ZNF438: variants seen among roughly 807,000 people sequenced by gnomAD.
ZNF438 encodes the protein zinc finger protein 438.
Under a neutral mutation model 38.0 loss-of-function variants are expected in ZNF438, and 25 were observed. That is an observed-to-expected ratio of 0.66 (90% confidence interval 0.48 to 0.92). The LOEUF (loss-of-function observed/expected upper bound fraction) is 0.92. ZNF438 is among the 40% of genes least tolerant of loss of function. ZNF438 has a pLI of 0.00. For missense variants in ZNF438, 1,007 were observed against 999.6 expected (o/e 1.01, Z -0.10); for synonymous variants, 372 against 364.1 (o/e 1.02, Z -0.25).
At chr10:30,950,874 G>A (rs1048967342) in intron 1 of ZNF438, among the ~76,000 whole-genome samples, 4 of 122,686 alleles carry the variant, frequency 3.3e-5, no homozygotes, top group Non-Finnish European at 3.5e-5. Flanking sequence ...TAGAAAAAGA[G>A]GGAATCCTCC....
At chr10:30,901,446 T>A (rs1005593358) in intron 3 of ZNF438, among the ~76,000 whole-genome samples, 1 of 151,064 alleles carries the variant, frequency 6.6e-6, no homozygotes, top group Admixed American at 6.6e-5. Context: ...TTCCGCTGAG[T>A]CGGGGGTTGT....
chr10:31,022,260 C>CTT (rs57644959), intron 1 of ZNF438, among the ~76,000 whole-genome samples: 39 of 149,158 alleles, frequency 2.6e-4, no homozygotes, highest in East Asian at 2.0e-4. Flanking sequence ...AGCTTTCTTC[C>CTT]TTTTTTTTTT....
intron 2 of ZNF438, among the ~76,000 whole-genome samples, chr10:30,935,254 G>T (rs1289087512): frequency 6.6e-6 from 1 of 152,178 alleles, no homozygotes; most frequent in African/African-American, 2.4e-5. Flanking sequence ...ATTTAGTGTT[G>T]CTATAAATAT....
intron 1 of ZNF438, among the ~76,000 whole-genome samples, chr10:31,015,037 T>C (rs1203180956): frequency 2.0e-5 from 3 of 152,078 alleles, no homozygotes; most frequent in Non-Finnish European, 4.4e-5. Flanking sequence ...AAAAGAAAAC[T>C]TTTTTTGTAG....
chr10:30,937,665 T>G (rs1475263792), intron 2 of ZNF438, among the ~76,000 whole-genome samples: 2 of 152,212 alleles, frequency 1.3e-5, no homozygotes, highest in African/African-American at 2.4e-5. Flanking sequence ...ATAATCAGTT[T>G]ATAAAACAGA....
chr10:30,989,255 G>A (rs1385014540), intron 1 of ZNF438, among the ~76,000 whole-genome samples: 1 of 152,082 alleles, frequency 6.6e-6, no homozygotes, highest in African/African-American at 2.4e-5. Context: ...CTGTTTCTCT[G>A]GAGAACCCTG....
intron 1 of ZNF438, among the ~76,000 whole-genome samples, chr10:31,012,910 C>T (rs980057267): frequency 1.3e-5 from 2 of 152,160 alleles, no homozygotes; most frequent in African/African-American, 4.8e-5. Flanking sequence ...ACCTCTCACT[C>T]CCTGGCCTAA....
chr10:30,886,730 G>A (rs1045879732), intron 3 of ZNF438, among the ~76,000 whole-genome samples: 1 of 152,278 alleles, frequency 6.6e-6, no homozygotes, highest in Non-Finnish European at 1.5e-5. Context: ...CATGGCTTTC[G>A]CACCATTGTA....
chr10:30,896,228 A>G (rs2994617), intron 3 of ZNF438, among the ~76,000 whole-genome samples: 117,326 of 150,128 alleles, frequency 0.78, 46,559 homozygotes, highest in African/African-American at 0.89. Flanking sequence ...CCTGGGAGGC[A>G]GAGCTTGCAG....
At chr10:30,963,113 T>C (rs1056325056) in intron 1 of ZNF438, among the ~76,000 whole-genome samples, 6 of 151,908 alleles carry the variant, frequency 3.9e-5, no homozygotes, top group Non-Finnish European at 8.8e-5. Context: ...CTTTAAGAGG[T>C]TGGCCGGGCA....
intron 1 of ZNF438, among the ~76,000 whole-genome samples, chr10:30,992,797 G>A (rs762807555): frequency 3.3e-4 from 50 of 152,312 alleles, no homozygotes; most frequent in Admixed American, 1.8e-3. Context: ...GGCCTCAGAT[G>A]GAAATGAGGA....
chr10:30,961,791 G>A (rs2049518196), intron 1 of ZNF438, among the ~76,000 whole-genome samples: 1 of 145,230 alleles, frequency 6.9e-6, no homozygotes, highest in African/African-American at 2.4e-5. Flanking sequence ...AGGAGGCTGA[G>A]GCAGCAGAAT....
chr10:30,884,866 T>G (rs1215742248), intron 3 of ZNF438, among the ~76,000 whole-genome samples: 4 of 152,208 alleles, frequency 2.6e-5, no homozygotes, highest in Non-Finnish European at 5.9e-5. Context: ...GCTGCTTTGT[T>G]AAGGTTCCTA....
At chr10:30,867,779 T>A (rs1019710127) in intron 4 of ZNF438, among the ~76,000 whole-genome samples, 2 of 152,174 alleles carry the variant, frequency 1.3e-5, no homozygotes, top group African/African-American at 4.8e-5. Context: ...ACATGGCAGA[T>A]CAATAGGAGA....
At chr10:30,849,829 A>G in exon 5 of ZNF438, 3 of 1,614,140 alleles carry the variant, frequency 1.9e-6, no homozygotes, top group Non-Finnish European at 2.5e-6. Flanking sequence ...TGGTCAGCGC[A>G]GCTGTGCTAA....
At chr10:30,960,967 A>G (rs1035088057) in intron 1 of ZNF438, among the ~76,000 whole-genome samples, 3 of 146,354 alleles carry the variant, frequency 2.0e-5, no homozygotes, top group Non-Finnish European at 3.1e-5. Flanking sequence ...CCTACTATGT[A>G]CCAGGCACAG....
chr10:30,857,275 G>C (rs897335860), intron 4 of ZNF438, among the ~76,000 whole-genome samples: 1 of 52,134 alleles, frequency 1.9e-5, no homozygotes, highest in African/African-American at 6.9e-5. Context: ...TTTTTTTTTT[G>C]AGACACAGTC....
intron 1 of ZNF438, among the ~76,000 whole-genome samples, chr10:30,974,482 A>C (rs2051116613): frequency 6.6e-6 from 1 of 152,188 alleles, no homozygotes; most frequent in Non-Finnish European, 1.5e-5. Flanking sequence ...AGAAAACAAA[A>C]ACAGAACAAG....
intron 1 of ZNF438, among the ~76,000 whole-genome samples, chr10:31,013,091 G>A (rs1000276359): frequency 1.6e-4 from 25 of 152,016 alleles, no homozygotes; most frequent in African/African-American, 4.8e-4. Context: ...AGGCCGAGGC[G>A]GGCGGATCAC....
Sources: allele counts gnomAD v4.1 joint callset (sites outside exome capture counted in the v4.1 genomes callset), GRCh38; gene constraint gnomAD v4.1.1; transcripts MANE v1.5; gene names NCBI Gene and HGNC (gene_info 2026-07-23, HGNC 2026-07-21).